Variants in GOLM1 observed in about 807,000 individuals in gnomAD.
GOLM1 encodes golgi membrane protein 1.
A neutral mutation model predicts 50.5 loss-of-function variants in GOLM1; 31 were observed. That is an observed-to-expected ratio of 0.61 (90% CI 0.46 to 0.83). GOLM1 has a LOEUF of 0.83. Ranked by LOEUF, GOLM1 falls within the 40% of genes least tolerant of loss-of-function variation. GOLM1 has a pLI of 0.00. For synonymous variants in GOLM1, 178 were observed against 192.8 expected, an observed-to-expected ratio of 0.92 and a Z score of 0.64; for missense variants, 491 against 501.3, an observed-to-expected ratio of 0.98 and a Z score of 0.20.
chr9:86,035,028 C>T (rs1391662536), intron 8 of GOLM1: 12 of 985,172 alleles, frequency 1.2e-5, no homozygotes, highest in Non-Finnish European at 1.4e-5. Context: ...AGACACTGCA[C>T]GACGGTGGAC....
intron 5 of GOLM1, among the ~76,000 whole-genome samples, chr9:86,043,793 A>G (rs1196829677): frequency 1.3e-5 from 2 of 152,134 alleles, no homozygotes; most frequent in East Asian, 1.9e-4. Context: ...GCCTCGGCCC[A>G]AGCTTTCCTA....
intron 1 of GOLM1, among the ~76,000 whole-genome samples, chr9:86,099,099 C>A (rs7860798): frequency 0.73 from 111,625 of 152,136 alleles, 42,006 homozygotes; most frequent in African/African-American, 0.9. Flanking sequence ...AACAAAAAGA[C>A]AGGCCCCGCA....
intron 1 of GOLM1, among the ~76,000 whole-genome samples, chr9:86,092,515 G>C (rs956866953): frequency 6.6e-6 from 1 of 152,186 alleles, no homozygotes; most frequent in African/African-American, 2.4e-5. Context: ...AACAGTCCTG[G>C]AAGTCATACA....
intron 3 of GOLM1, among the ~76,000 whole-genome samples, chr9:86,053,726 G>GCCA (rs1293342967): frequency 2.3e-3 from 2 of 874 alleles, no homozygotes; most frequent in Non-Finnish European, 2.6e-3. Context: ...ATCACAGACT[G>GCCA]CTCCACTCCA....
Position 86,099,478 on chromosome 9 carries a change from T to G in GOLM1, c.-89A>C, listed in dbSNP as rs1032089577. On this transcript the variant is annotated 5_prime_UTR_variant, in exon 1 of 10. Transcript: ENST00000388712. ...CGCTACGAGGCCGCCCGGGTCGCTC[T>G]CCCGCCGCCGCCGGCCTCGAGCTCC... The G allele has an allele frequency of 6.7e-6, 1 of 150,088 alleles. No homozygotes were observed. The highest frequency in any genetic ancestry group is 1.5e-5 in the Non-Finnish European group (1 of 67,518). 9.3% of individuals were successfully genotyped at this position (150,088 alleles called of 1,614,324 possible). A position where few individuals can be genotyped will look rare whatever the true frequency, so the allele number is the denominator to read the frequency against.
intron 7 of GOLM1, 115 bp downstream of exon 7, chr9:86,036,233 G>T: frequency 9.7e-7 from 1 of 1,033,846 alleles, no homozygotes; most frequent in Non-Finnish European, 1.5e-6. Context: ...ACACGTCCCT[G>T]CTCCTGGCTG....
intron 1 of GOLM1, 57 bp downstream of exon 1, chr9:86,099,354 G>A (rs75805012): frequency 0.036 from 5,516 of 152,124 alleles, 288 homozygotes; most frequent in East Asian, 0.27. Context: ...GGGCAAAGGA[G>A]GGAGGAAGCG....
At chr9:86,028,589 T>C (rs1391476194) in intron 9 of GOLM1, among the ~76,000 whole-genome samples, 3 of 152,208 alleles carry the variant, frequency 2.0e-5, no homozygotes, top group Non-Finnish European at 4.4e-5. Flanking sequence ...GTCCTTGCGA[T>C]AAGGCAGAGG....
intron 3 of GOLM1, among the ~76,000 whole-genome samples, chr9:86,076,980 T>C (rs964786837): frequency 5.3e-5 from 8 of 152,196 alleles, no homozygotes; most frequent in African/African-American, 1.9e-4. Context: ...TCCCCTACTT[T>C]CTCTGTTAGT....
intron 1 of GOLM1, 195 bp from the exon 2 acceptor site, chr9:86,079,536 C>T: frequency 2.4e-6 from 1 of 417,970 alleles, no homozygotes; most frequent in Non-Finnish European, 4.2e-6. Flanking sequence ...GCTGTGAACC[C>T]AGGGCAGTGT....
intron 3 of GOLM1, among the ~76,000 whole-genome samples, chr9:86,056,721 G>A (rs2118764773): frequency 6.6e-6 from 1 of 152,026 alleles, no homozygotes; most frequent in Admixed American, 6.5e-5. Flanking sequence ...GGCCAGGATG[G>A]TCTCAATCTC....
chr9:86,030,218 CAAAAAAAAA>C (rs35215928), intron 9 of GOLM1, among the ~76,000 whole-genome samples: 4 of 73,440 alleles, frequency 5.4e-5, no homozygotes, highest in Admixed American at 1.7e-4. Context: ...GACTCTGTCT[CAAAAAAAAA>C]AAAAAAAAAA....
At chr9:86,053,551 CA>C in intron 3 of GOLM1, among the ~76,000 whole-genome samples, 1 of 210 alleles carries the variant, frequency 4.8e-3, no homozygotes, top group African/African-American at 9.8e-3. Context: ...ACACCAAACA[CA>C]CACTACACAC....
At chr9:86,095,228 AT>A (rs967606661) in intron 1 of GOLM1, among the ~76,000 whole-genome samples, 18 of 151,384 alleles carry the variant, frequency 1.2e-4, no homozygotes, top group African/African-American at 3.4e-4. Flanking sequence ...TAGTTTTTAC[AT>A]TTTTTTTCTT....
chr9:86,087,611 T>G (rs1187292104), intron 1 of GOLM1, among the ~76,000 whole-genome samples: 1 of 152,208 alleles, frequency 6.6e-6, no homozygotes, highest in African/African-American at 2.4e-5. Context: ...TTGAGATACA[T>G]TCCATCAATA....
chr9:86,070,456 T>C (rs954920404), intron 3 of GOLM1, among the ~76,000 whole-genome samples: 2 of 151,590 alleles, frequency 1.3e-5, no homozygotes, highest in Non-Finnish European at 2.9e-5. Flanking sequence ...ACTGTAATCC[T>C]AGCTACTTGG....
intron 5 of GOLM1, among the ~76,000 whole-genome samples, chr9:86,045,570 G>C (rs1441931016): frequency 2.0e-5 from 3 of 151,502 alleles, no homozygotes; most frequent in African/African-American, 7.3e-5. Context: ...AGCTACTCAG[G>C]AGGCTGAGGC....
intron 1 of GOLM1, among the ~76,000 whole-genome samples, chr9:86,091,413 T>C (rs561541914): frequency 1.3e-5 from 2 of 152,244 alleles, no homozygotes; most frequent in East Asian, 3.9e-4. Context: ...AGTAAGGAAA[T>C]ACAAAGAATG....
chr9:86,054,039 A>G (rs914492760), intron 3 of GOLM1, among the ~76,000 whole-genome samples: 13 of 152,164 alleles, frequency 8.5e-5, no homozygotes, highest in Admixed American at 7.9e-4. Flanking sequence ...TCTCCTGTCC[A>G]CAGAGTCTAT....
Sources: gnomAD v4.1 joint callset for allele counts (sites outside exome capture counted in the v4.1 genomes callset) on GRCh38, gnomAD v4.1.1 for gene constraint, MANE v1.5 for transcripts, NCBI Gene and HGNC (gene_info 2026-07-23, HGNC 2026-07-21) for gene names.